CNTLN: variants seen among roughly 807,000 people sequenced by gnomAD.
CNTLN encodes centlein.
Under a neutral mutation model 180.0 loss-of-function variants are expected in CNTLN, and 212 were observed. That is an observed-to-expected ratio of 1.18 (90% CI 1.05 to 1.32). The LOEUF (loss-of-function observed/expected upper bound fraction) is 1.32, where lower values mean the gene tolerates loss of function less well. Among genes scored for constraint, CNTLN ranks in the 40% most tolerant of loss-of-function variants. CNTLN has a pLI of 0.00. For missense variants in CNTLN, 2,095 were observed against 1,610.9 expected (o/e 1.30, Z -5.14); for synonymous variants, 722 against 563.1 (o/e 1.28, Z -3.99).
At chr9:17,388,097 A>ATTT in intron 13 of CNTLN, 65 bp from the exon 14 acceptor site, 1 of 1,021,822 alleles carries the variant, frequency 9.8e-7, no homozygotes, top group East Asian at 2.5e-5. Flanking sequence ...CCTTTTTCTT[A>ATTT]AAATGACAGG....
intron 12 of CNTLN, among the ~76,000 whole-genome samples, chr9:17,360,696 T>C (rs1274879712): frequency 2.0e-5 from 3 of 152,218 alleles, no homozygotes; most frequent in African/African-American, 7.2e-5. Flanking sequence ...AAATAGGTTC[T>C]TTAGTTTCAA....
rs369987628 is a variant in CNTLN at position 17,273,834 on chromosome 9, T to C, written c.951T>C (p.Leu317=). Residue 317 remains leucine, a synonymous_variant, in exon 6 of 26, where the codon CTT becomes CTC. Coordinates refer to ENST00000380647, the MANE Select transcript of CNTLN (RefSeq NM_017738.4). ...AGTTGAGTAATAAACAGACTGAACT[T>C]ATCCAGAAGGATATGGATATTACCC... The part of the protein sequence containing the change: ...SLQLSNKQTE[L]IQKDMDITLV... 51 of 1,570,902 alleles carry C rather than the reference T, an allele frequency of 3.2e-5. No homozygotes were observed. Among genetic ancestry groups the C allele is most frequent in the African/African-American group, 5.5e-5 (4 of 72,414 alleles).
chr9:17,270,748 T>C (rs1827874511), intron 5 of CNTLN, among the ~76,000 whole-genome samples: 1 of 152,132 alleles, frequency 6.6e-6, no homozygotes, highest in Non-Finnish European at 1.5e-5. Flanking sequence ...CTTCATATAA[T>C]TGATTAAATG....
At chr9:17,427,748 T>G (rs1264983692) in intron 18 of CNTLN, among the ~76,000 whole-genome samples, 3 of 152,184 alleles carry the variant, frequency 2.0e-5, no homozygotes, top group Non-Finnish European at 4.4e-5. Flanking sequence ...TTAGTTGAAG[T>G]AAGCCAGTGT....
chr9:17,268,868 G>T (rs1482121763), intron 5 of CNTLN, among the ~76,000 whole-genome samples: 2 of 151,744 alleles, frequency 1.3e-5, no homozygotes, highest in African/African-American at 2.4e-5. Context: ...CTGGTGTGCC[G>T]TTTTTTAATC....
chr9:17,285,829 T>C (rs1370133169), intron 6 of CNTLN, among the ~76,000 whole-genome samples: 13 of 95,680 alleles, frequency 1.4e-4, no homozygotes, highest in East Asian at 6.1e-4. Context: ...GTTCATGTCC[T>C]TCGCCCACTT....
At chr9:17,456,140 T>C (rs975734816) in intron 18 of CNTLN, among the ~76,000 whole-genome samples, 2 of 152,052 alleles carry the variant, frequency 1.3e-5, no homozygotes, top group Middle Eastern at 3.2e-3. Context: ...AACCTGACGA[T>C]TGGATGAATA....
intron 23 of CNTLN, among the ~76,000 whole-genome samples, chr9:17,477,525 A>G (rs1832416441): frequency 2.0e-5 from 3 of 152,356 alleles, no homozygotes; most frequent in African/African-American, 7.2e-5. Context: ...TCAAAATAGC[A>G]GCGTTAGCAG....
intron 18 of CNTLN, among the ~76,000 whole-genome samples, chr9:17,421,023 T>G (rs111704695): frequency 6.6e-6 from 1 of 152,152 alleles, no homozygotes; most frequent in East Asian, 1.9e-4. Context: ...AGGAGAAGAA[T>G]GTGTATTCTG....
intron 3 of CNTLN, among the ~76,000 whole-genome samples, chr9:17,228,853 C>T (rs985494081): frequency 2.0e-5 from 3 of 151,916 alleles, no homozygotes; most frequent in Non-Finnish European, 2.9e-5. Context: ...AGAACAGTGG[C>T]GTTATTATCA....
chr9:17,517,144 C>G, the CNTLN span, among the ~76,000 whole-genome samples: 10 of 151,992 alleles, frequency 6.6e-5, no homozygotes, highest in African/African-American at 2.4e-4. Context: ...GTAATCCCAG[C>G]ACTTTGGGAG....
intron 1 of CNTLN, among the ~76,000 whole-genome samples, chr9:17,135,942 A>C (rs1264973892): frequency 6.6e-6 from 1 of 152,224 alleles, no homozygotes; most frequent in African/African-American, 2.4e-5. Flanking sequence ...AGAAAGTCTC[A>C]GAGCCGGGAA....
chr9:17,489,349 T>A (rs1045179483), intron 25 of CNTLN, among the ~76,000 whole-genome samples: 5 of 152,160 alleles, frequency 3.3e-5, no homozygotes, highest in Non-Finnish European at 7.4e-5. Flanking sequence ...CATCTTCACA[T>A]TGTGGAATAA....
chr9:17,214,285 A>G (rs997189487), intron 2 of CNTLN, among the ~76,000 whole-genome samples: 1 of 152,132 alleles, frequency 6.6e-6, no homozygotes, highest in Non-Finnish European at 1.5e-5. Context: ...GCTTGTCTGT[A>G]AAGTATTTTA....
At chr9:17,406,024 A>G (rs2584547) in intron 15 of CNTLN, among the ~76,000 whole-genome samples, 73,443 of 151,428 alleles carry the variant, frequency 0.49, 19,033 homozygotes, top group Non-Finnish European at 0.56. Flanking sequence ...CTGTCAACTT[A>G]GCATCATACT....
intron 2 of CNTLN, among the ~76,000 whole-genome samples, chr9:17,152,026 T>C (rs1015076500): frequency 1.3e-5 from 2 of 152,234 alleles, no homozygotes; most frequent in Admixed American, 1.3e-4. Flanking sequence ...TCATTTTTTA[T>C]GGCATCTATT....
rs559807662 is a variant in CNTLN, at chr9:17,139,875, T to A, written c.361-3413T>A. Among the ~76,000 whole-genome samples the A allele has an allele frequency of 3.3e-5, 5 of 152,106 alleles. No homozygotes were observed. The South Asian group carries it at 1.0e-3, about 32-fold the overall frequency. ...GTGTGCCACCACACTAGGCTAAGTTTTGCATTTTTTGTAGAGATGGGGTCT... is the reference window on the plus strand; with the variant it reads ...GTGTGCCACCACACTAGGCTAAGTTATGCATTTTTTGTAGAGATGGGGTCT... On this transcript the variant is annotated intron_variant, in intron 1 of 25. Transcript: ENST00000380647.
At chr9:17,164,597 C>A (rs537920591) in intron 2 of CNTLN, among the ~76,000 whole-genome samples, 1 of 149,744 alleles carries the variant, frequency 6.7e-6, no homozygotes, top group African/African-American at 2.4e-5. Context: ...CAGGCGTGCT[C>A]CACAACAGCC....
chr9:17,177,884 G>A lies in CNTLN; in HGVS notation c.449+34508G>A, dbSNP rs571340697. On this transcript the variant is annotated intron_variant, in intron 2 of 25. Transcript: ENST00000380647. ...GTTGCCACTGCTGGCTCAGGCAGCGGTGCTTTTATTCTCTTATCTGGCCCC... is the reference window on the plus strand; with the variant it reads ...GTTGCCACTGCTGGCTCAGGCAGCGATGCTTTTATTCTCTTATCTGGCCCC... Among the ~76,000 whole-genome samples, 138 of 152,274 alleles carry A rather than the reference G, an allele frequency of 9.1e-4. 2 individuals carry two copies. Among genetic ancestry groups the A allele is most frequent in the Non-Finnish European group, 6.8e-4 (46 of 68,016 alleles).
Sources: gnomAD v4.1 joint callset for allele counts (sites outside exome capture counted in the v4.1 genomes callset) on GRCh38, gnomAD v4.1.1 for gene constraint, MANE v1.5 for transcripts, NCBI Gene and HGNC (gene_info 2026-07-23, HGNC 2026-07-21) for gene names.